MTUS1: variants seen among roughly 807,000 people sequenced by gnomAD.
MTUS1 encodes the protein microtubule associated scaffold protein 1, also known as microtubule-associated tumor suppressor 1.
A neutral mutation model predicts 120.8 loss-of-function variants in MTUS1; 109 were observed. The ratio of observed to expected loss-of-function variants is 0.90; its 90% CI spans 0.77 to 1.06. MTUS1 has a LOEUF of 1.06. MTUS1 is among the 50% of genes least tolerant of loss of function. The pLI, the probability that MTUS1 is intolerant of heterozygous loss-of-function variation, is 0.00. For missense variants in MTUS1, 2,210 were observed against 1,486.3 expected (o/e 1.49, Z -8.01); for synonymous variants, 737 against 550.5 (o/e 1.34, Z -4.74).
chr8:17,656,127 A>G (rs1052165075), intron 8 of MTUS1, 62 bp from the exon 9 acceptor site: 4 of 1,464,042 alleles, frequency 2.7e-6, no homozygotes, highest in Admixed American at 1.7e-5. Context: ...TCCTATATTC[A>G]TTACAGTCAC....
intron 1 of MTUS1, among the ~76,000 whole-genome samples, chr8:17,798,919 A>G (rs2052467440): frequency 6.6e-6 from 1 of 152,222 alleles, no homozygotes. Flanking sequence ...TTCAAAATGG[A>G]AAACAACTAG....
chr8:17,676,950 T>G (rs1481030992), intron 7 of MTUS1, among the ~76,000 whole-genome samples: 1 of 152,166 alleles, frequency 6.6e-6, no homozygotes, highest in East Asian at 1.9e-4. Flanking sequence ...TTTACTTTGT[T>G]CTCACCTCTC....
chr8:17,769,569 G>C (rs559070798), intron 1 of MTUS1, among the ~76,000 whole-genome samples: 2 of 151,596 alleles, frequency 1.3e-5, no homozygotes, highest in East Asian at 3.9e-4. Flanking sequence ...GGATGGTCTC[G>C]ATCTCCTGAC....
intron 6 of MTUS1, among the ~76,000 whole-genome samples, chr8:17,702,786 T>C (rs891356757): frequency 6.6e-6 from 1 of 152,204 alleles, no homozygotes; most frequent in Admixed American, 6.5e-5. Context: ...TTTAGGTTGT[T>C]CCCACATCCT....
intron 4 of MTUS1, chr8:17,722,103 C>A (rs957479509): frequency 1.5e-6 from 2 of 1,307,786 alleles, no homozygotes; most frequent in Non-Finnish European, 1.9e-6. Flanking sequence ...TAATCCGCAA[C>A]AGGAACACAT....
At chr8:17,657,313 A>G (rs1319376374) in intron 8 of MTUS1, among the ~76,000 whole-genome samples, 2 of 151,664 alleles carry the variant, frequency 1.3e-5, no homozygotes, top group African/African-American at 2.4e-5. Context: ...TCACGCCTGT[A>G]ATCCCAGCAC....
chr8:17,648,365 T>C (rs897663316), intron 13 of MTUS1, among the ~76,000 whole-genome samples: 23 of 152,202 alleles, frequency 1.5e-4, no homozygotes, highest in Non-Finnish European at 2.9e-4. Flanking sequence ...AAATAGTAGA[T>C]CATCAGAAAT....
intron 8 of MTUS1, among the ~76,000 whole-genome samples, chr8:17,659,585 T>G (rs972833472): frequency 6.6e-6 from 1 of 151,902 alleles, no homozygotes; most frequent in Non-Finnish European, 1.5e-5. Flanking sequence ...TCCCAGCTAC[T>G]CAGCAGGCTG....
At chr8:17,736,236 T>C (rs899593623) in intron 3 of MTUS1, among the ~76,000 whole-genome samples, 1 of 152,182 alleles carries the variant, frequency 6.6e-6, no homozygotes, top group African/African-American at 2.4e-5. Flanking sequence ...GATCAAGCAT[T>C]TACAAGTGAT....
intron 1 of MTUS1, among the ~76,000 whole-genome samples, chr8:17,780,412 A>C (rs1167825209): frequency 6.6e-6 from 1 of 152,220 alleles, no homozygotes; most frequent in African/African-American, 2.4e-5. Context: ...ATGCAAGAAC[A>C]GTCTGATACA....
At chr8:17,796,363 T>C (rs188190837) in intron 1 of MTUS1, among the ~76,000 whole-genome samples, 52 of 2,028 alleles carry the variant, frequency 0.026, no homozygotes, top group African/African-American at 0.078. Flanking sequence ...TAAACTTTAA[T>C]GAACAAAGTT....
chr8:17,755,397 A>T lies in MTUS1; in HGVS notation c.411T>A (p.Pro137=). The change falls in exon 2 of 15, where the codon CCT becomes CCA. Residue 137 remains proline, a synonymous_variant. Coordinates refer to ENST00000693296, the MANE Select transcript of MTUS1 (RefSeq NM_001363059.2). ...VEGQSVEPSL[P]FVWKPNDNLN... is the part of the protein sequence containing the mutation. ...AATTGTCATTAGGCTTCCACACAAA[A>T]GGCAAAGATGGCTCAACACTCTGGC... The T allele has an allele frequency of 2.5e-6, 4 of 1,614,230 alleles. No individual in the cohort carries two copies. The highest frequency in any genetic ancestry group is 3.4e-6 in the Non-Finnish European group (4 of 1,180,032).
chr8:17,707,054 C>G (rs1294963120), intron 6 of MTUS1, among the ~76,000 whole-genome samples: 3 of 152,170 alleles, frequency 2.0e-5, no homozygotes, highest in African/African-American at 7.2e-5. Context: ...AAAAATATCT[C>G]AAAGCCATAG....
At chr8:17,783,034 T>A (rs1211488634) in intron 1 of MTUS1, among the ~76,000 whole-genome samples, 2 of 152,128 alleles carry the variant, frequency 1.3e-5, no homozygotes, top group Non-Finnish European at 2.9e-5. Context: ...GCCAAGATCG[T>A]GCCATTGCAC....
intron 6 of MTUS1, among the ~76,000 whole-genome samples, chr8:17,689,407 A>C (rs1389712305): frequency 1.3e-5 from 2 of 152,214 alleles, no homozygotes. Flanking sequence ...GAGAATAGAA[A>C]GCATATTCGA....
intron 2 of MTUS1, among the ~76,000 whole-genome samples, chr8:17,750,002 G>C (rs1325945575): frequency 6.6e-6 from 1 of 152,124 alleles, no homozygotes; most frequent in Non-Finnish European, 1.5e-5. Context: ...ACCTGCCAGA[G>C]GTCACTTTGC....
intron 13 of MTUS1, among the ~76,000 whole-genome samples, chr8:17,647,550 GTTT>G (rs1806082608): frequency 6.6e-6 from 1 of 152,066 alleles, no homozygotes; most frequent in Non-Finnish European, 1.5e-5. Flanking sequence ...CTTGAACTCA[GTTT>G]CATGGTAAGT....
At chr8:17,757,373 T>C (rs2048703956) in intron 1 of MTUS1, among the ~76,000 whole-genome samples, 1 of 152,208 alleles carries the variant, frequency 6.6e-6, no homozygotes, top group South Asian at 2.1e-4. Flanking sequence ...TGGCTGCTAA[T>C]TGGGATGACG....
At chr8:17,777,188 G>C (rs551624821) in intron 1 of MTUS1, among the ~76,000 whole-genome samples, 149 of 152,208 alleles carry the variant, frequency 9.8e-4, no homozygotes, top group African/African-American at 3.5e-3. Context: ...TGTAACCCCA[G>C]CACTTTGGGA....
Sources: gnomAD v4.1 joint callset for allele counts (sites outside exome capture counted in the v4.1 genomes callset) on GRCh38, gnomAD v4.1.1 for gene constraint, MANE v1.5 for transcripts, NCBI Gene and HGNC (gene_info 2026-07-23, HGNC 2026-07-21) for gene names.